Variants in DMXL2 observed in about 807,000 individuals in gnomAD.
DMXL2 encodes the protein Dmx like 2.
Under a neutral mutation model 331.1 loss-of-function variants are expected in DMXL2, and 103 were observed. The observed-to-expected ratio is 0.31, with a 90% CI of 0.27 to 0.37. The LOEUF is 0.37. DMXL2 is among the 10% of genes least tolerant of loss of function. The pLI, the probability that DMXL2 is intolerant of heterozygous loss-of-function variation, is 1.00. For synonymous variants in DMXL2, 1,281 were observed against 1,252.1 expected (o/e 1.02, Z -0.49); for missense variants, 3,171 against 3,642.9 (o/e 0.87, Z 3.33).
rs2042812630 is a variant in DMXL2, at chr15:51,491,689, A to T, written c.4842T>A (p.Ile1614=). The T allele has an allele frequency of 6.2e-7, 1 of 1,613,650 alleles. No individual in the cohort carries two copies. Among genetic ancestry groups the T allele is most frequent in the South Asian group, 1.1e-5 (1 of 90,894 alleles). ...CTCTCTGAATTGCTGGAATCATATT[A>T]ATCAGTTCTTCTTCAGCCTCAGAAT... ...AFHSEAEEEL[I]NMIPAIQRGD... The change falls in exon 20 of 44, where the codon ATT becomes ATA. Residue 1614 remains isoleucine, a synonymous_variant. Transcript: ENST00000560891.
At chr15:51,451,724 T>C (rs2039157031) in intron 41 of DMXL2, 27 bp from the exon 42 acceptor site, 2 of 1,583,402 alleles carry the variant, frequency 1.3e-6, no homozygotes, top group East Asian at 4.5e-5. Context: ...ATAACAAAAA[T>C]ACATCATAAA....
chr15:51,540,471 A>G (rs1444782072), intron 9 of DMXL2, among the ~76,000 whole-genome samples: 1 of 152,152 alleles, frequency 6.6e-6, no homozygotes, highest in African/African-American at 2.4e-5. Context: ...TTACTTTCAA[A>G]TGGTTCCGTC....
intron 13 of DMXL2, among the ~76,000 whole-genome samples, chr15:51,521,059 C>T (rs997712857): frequency 3.3e-5 from 5 of 151,974 alleles, no homozygotes; most frequent in Admixed American, 6.6e-5. Flanking sequence ...GTTTTTTATA[C>T]TCACATTTCA....
At chr15:51,466,389 TTATA>T (rs1344143984) in intron 29 of DMXL2, 78 bp from the exon 30 acceptor site, 1 of 456,582 alleles carries the variant, frequency 2.2e-6, no homozygotes, top group African/African-American at 2.1e-5. Flanking sequence ...ATAACATGTA[TTATA>T]TATTTAATAT....
At chr15:51,450,841 G>A (rs532463689) in intron 42 of DMXL2, among the ~76,000 whole-genome samples, 26 of 152,336 alleles carry the variant, frequency 1.7e-4, no homozygotes, top group African/African-American at 5.5e-4. Context: ...TTAACATGCA[G>A]AAAATCTGTA....
intron 13 of DMXL2, among the ~76,000 whole-genome samples, chr15:51,531,907 C>G (rs970547990): frequency 3.3e-5 from 5 of 152,098 alleles, no homozygotes; most frequent in Non-Finnish European, 7.4e-5. Context: ...AAAGGGAACC[C>G]TCATATGCTA....
intron 1 of DMXL2, among the ~76,000 whole-genome samples, chr15:51,607,562 T>C (rs1476729030): frequency 6.6e-6 from 1 of 152,148 alleles, no homozygotes; most frequent in Non-Finnish European, 1.5e-5. Flanking sequence ...ATAAGGTCAA[T>C]CAGGGCAGAG....
chr15:51,606,003 T>C (rs932747186), intron 1 of DMXL2, among the ~76,000 whole-genome samples: 1 of 152,196 alleles, frequency 6.6e-6, no homozygotes, highest in Non-Finnish European at 1.5e-5. Context: ...CATTTGCTAA[T>C]CTAAAAGAGT....
At chr15:51,516,172 C>T (rs1348591854) in intron 14 of DMXL2, among the ~76,000 whole-genome samples, 3 of 152,148 alleles carry the variant, frequency 2.0e-5, no homozygotes, top group African/African-American at 7.2e-5. Context: ...AGCTTCTTTA[C>T]CAAACTAATC....
chr15:51,550,432 G>C (rs974010722), intron 6 of DMXL2, among the ~76,000 whole-genome samples: 2 of 151,914 alleles, frequency 1.3e-5, no homozygotes, highest in Non-Finnish European at 2.9e-5. Context: ...TATAATTCAC[G>C]AATATAACAT....
chr15:51,480,997 C>T lies in DMXL2; in HGVS notation c.6109G>A (p.Val2037Met), dbSNP rs754197878. ...CTGAATTTTAGTTGTTCAGCAATCA[C>T]ATCAACTTCAGTATCACCTTCAGGA... The part of the protein sequence containing the change: ...DDPEGDTEVD[V>M]IAEQLKFRAC... The change falls in exon 24 of 44, where the codon GTG (valine) becomes ATG (methionine). Residue 2037 changes from valine to methionine, a missense_variant. Coordinates refer to ENST00000560891, the MANE Select transcript of DMXL2 (RefSeq NM_001378457.1). 5 of 1,614,052 alleles carry T rather than the reference C, an allele frequency of 3.1e-6. No individual in the cohort carries two copies. The South Asian group carries it at 5.5e-5, about 18-fold the overall frequency.
intron 18 of DMXL2, among the ~76,000 whole-genome samples, chr15:51,495,723 G>A (rs2043125800): frequency 6.6e-6 from 1 of 151,954 alleles, no homozygotes; most frequent in South Asian, 2.1e-4. Context: ...GGTATGGCAA[G>A]CGTAACCAAA....
At chr15:51,537,351 GAA>G in intron 11 of DMXL2, 135 bp downstream of exon 11, 1 of 768,266 alleles carries the variant, frequency 1.3e-6, no homozygotes, top group Non-Finnish European at 2.0e-6. Flanking sequence ...CCTTCTGAAA[GAA>G]AGAAGTATTC....
rs192819149 is a variant in DMXL2, at chr15:51,502,774, G to T, written c.2992+32C>A. On this transcript the variant is annotated intron_variant, in intron 17 of 43. Transcript: ENST00000560891. The stretch of plus-strand genomic sequence containing the variant: ...GAGTTCATATATTTTATCACTCTGA[G>T]CTACCACTGCCCAGTCTTAAAGTGA... The T allele has an allele frequency of 7.8e-5, 113 of 1,453,326 alleles. 1 individual carries two copies. Among genetic ancestry groups the T allele is most frequent in the Middle Eastern group, 5.2e-4 (3 of 5,766 alleles). 90.0% of individuals were successfully genotyped at this position (1,453,326 alleles called of 1,614,324 possible). A position where few individuals can be genotyped will look rare whatever the true frequency, so the allele number is the denominator to read the frequency against.
intron 22 of DMXL2, 133 bp downstream of exon 22, chr15:51,487,821 T>C (rs2042508258): frequency 1.2e-5 from 9 of 722,168 alleles, no homozygotes; most frequent in Non-Finnish European, 1.6e-5. Flanking sequence ...AGTGCCACTA[T>C]TTTAAGTACA....
intron 14 of DMXL2, among the ~76,000 whole-genome samples, chr15:51,515,311 C>T (rs968934235): frequency 6.6e-6 from 1 of 152,030 alleles, no homozygotes; most frequent in Non-Finnish European, 1.5e-5. Context: ...AATCAGATGG[C>T]TCCCCCAGAG....
chr15:51,576,110 A>T lies in DMXL2; in HGVS notation c.159T>A (p.Ala53=), dbSNP rs140441868. 9.1e-5 allele frequency: 143 copies of T among 1,579,784 alleles called. No homozygotes were observed. Among genetic ancestry groups the T allele is most frequent in the African/African-American group, 2.3e-4 (17 of 73,430 alleles). ...DFECVQIIPG[A]KHGNIQVSCV... The stretch of plus-strand genomic sequence containing the variant: ...AGCTGACTTGGATGTTTCCATGCTT[A>T]GCACCAGGAATGATCTGTACACATT... The change falls in exon 2 of 44, where the codon GCT becomes GCA. Residue 53 remains alanine, a synonymous_variant. Coordinates refer to ENST00000560891, the MANE Select transcript of DMXL2 (RefSeq NM_001378457.1).
intron 23 of DMXL2, among the ~76,000 whole-genome samples, chr15:51,481,838 T>C (rs183886671): frequency 6.6e-6 from 1 of 152,146 alleles, no homozygotes; most frequent in African/African-American, 2.4e-5. Context: ...CACTATAGAG[T>C]GATGTCCAGG....
chr15:51,479,975 T>A lies in DMXL2; in HGVS notation c.6729A>T (p.Pro2243=), dbSNP rs1442559220. Residue 2243 remains proline (P), a synonymous_variant, in exon 25 of 44, where the codon CCA becomes CCT. Transcript: ENST00000560891. ...ILYTIVQMKT[P]PHPSIEDVKV... The stretch of plus-strand genomic sequence containing the variant: ...TCACATCTTCAATACTGGGATGAGG[T>A]GGTGTTTTCATCTGAACAATAGTAT... The A allele has an allele frequency of 6.6e-7, 1 of 1,519,756 alleles. No individual in the cohort carries two copies. Among genetic ancestry groups the A allele is most frequent in the Non-Finnish European group, 8.9e-7 (1 of 1,118,680 alleles). 94.1% of individuals were successfully genotyped at this position (1,519,756 alleles called of 1,614,324 possible). A position where few individuals can be genotyped will look rare whatever the true frequency, so the allele number is the denominator to read the frequency against.
Sources: allele counts gnomAD v4.1 joint callset (sites outside exome capture counted in the v4.1 genomes callset), GRCh38; gene constraint gnomAD v4.1.1; transcripts MANE v1.5; gene names NCBI Gene and HGNC (gene_info 2026-07-23, HGNC 2026-07-21).